The following DLG1 variants were observed in gnomAD, a reference collection of about 807,000 sequenced individuals.
The protein encoded by DLG1 is discs large MAGUK scaffold protein 1.
A neutral mutation model predicts 123.4 loss-of-function variants in DLG1; 42 were observed. The observed-to-expected ratio is 0.34, with a 90% CI of 0.27 to 0.44. DLG1 has a LOEUF of 0.44. Ranked by LOEUF, DLG1 falls within the 20% of genes least tolerant of loss-of-function variation. The pLI is 1.00. For synonymous variants in DLG1, 317 were observed against 356.2 expected (o/e 0.89, Z 1.24); for missense variants, 942 against 1,082.6 (o/e 0.87, Z 1.82).
At chr3:197,123,810 TGTAA>T (rs925846442) in intron 11 of DLG1, among the ~76,000 whole-genome samples, 1 of 152,206 alleles carries the variant, frequency 6.6e-6, no homozygotes, top group African/African-American at 2.4e-5. Context: ...AGATCAGAAC[TGTAA>T]GTGACTCAAC....
In DLG1 at chr3:197,095,521, T is replaced by C. The variant is rs184259655; in HGVS notation, c.1547-4495A>G. On this transcript the variant is annotated intron_variant, in intron 14 of 24. Transcript: ENST00000667157. ...TGCCTGAAGTTCCCACACAATTAGATTGAAGTTATCCAACTTTGGCAGGAA... is the reference window on the plus strand; with the variant it reads ...TGCCTGAAGTTCCCACACAATTAGACTGAAGTTATCCAACTTTGGCAGGAA... 3.2e-3 allele frequency among the ~76,000 whole-genome samples: 486 copies of C among 152,296 alleles called. 3 individuals are homozygous for C. Among genetic ancestry groups the C allele is most frequent in the African/African-American group, 0.011 (460 of 41,560 alleles).
chr3:197,205,977 T>G (rs551238670), intron 4 of DLG1, among the ~76,000 whole-genome samples: 1 of 152,220 alleles, frequency 6.6e-6, no homozygotes, highest in Non-Finnish European at 1.5e-5. Flanking sequence ...CAAGGAAACT[T>G]TGGGTCCACC....
At chr3:197,066,354 G>T (rs1375101941) in intron 20 of DLG1, among the ~76,000 whole-genome samples, 2 of 152,062 alleles carry the variant, frequency 1.3e-5, no homozygotes, top group African/African-American at 2.4e-5. Flanking sequence ...GATAAACAGT[G>T]CCTGGAACCT....
At chr3:197,237,074 C>CA in intron 4 of DLG1, among the ~76,000 whole-genome samples, 1 of 152,026 alleles carries the variant, frequency 6.6e-6, no homozygotes, top group South Asian at 2.1e-4. Context: ...GTCACACAGA[C>CA]AATGGCTTGT....
chr3:197,156,006 C>T (rs938254284), intron 5 of DLG1, among the ~76,000 whole-genome samples: 11 of 152,058 alleles, frequency 7.2e-5, no homozygotes, highest in Admixed American at 3.3e-4. Flanking sequence ...TGGTAAATAA[C>T]GAAAATCAAT....
chr3:197,098,550 C>A (rs1761859392), intron 14 of DLG1, among the ~76,000 whole-genome samples: 1 of 152,196 alleles, frequency 6.6e-6, no homozygotes, highest in East Asian at 1.9e-4. Context: ...AGAGTCTTCC[C>A]ACCCGCCCCC....
chr3:197,100,117 G>GA (rs1762682129), intron 14 of DLG1, among the ~76,000 whole-genome samples: 1 of 152,160 alleles, frequency 6.6e-6, no homozygotes, highest in African/African-American at 2.4e-5. Flanking sequence ...GGGAAAGCAG[G>GA]AGACTGAAAA....
At chr3:197,209,834 T>C (rs529261231) in intron 4 of DLG1, among the ~76,000 whole-genome samples, 1 of 146,850 alleles carries the variant, frequency 6.8e-6, no homozygotes, top group South Asian at 2.5e-4. Flanking sequence ...TAGGACTATG[T>C]AGTAAAGAAT....
intron 13 of DLG1, among the ~76,000 whole-genome samples, chr3:197,113,984 G>A (rs551718880): frequency 3.4e-4 from 52 of 152,180 alleles, no homozygotes; most frequent in Admixed American, 1.4e-3. Context: ...GCAATGCACT[G>A]AAGCCCTGTC....
Position 197,042,923 on chromosome 3 carries a change from CAT to C in DLG1, c.*1698_*1699del, listed in dbSNP as rs1294099698. ...CTTTCAAAATTCAAGACACACTTAA[CAT>C]ATGGATTTTACAATACAGTTTATTA... On this transcript the variant is annotated 3_prime_UTR_variant, in exon 25 of 25. Coordinates refer to ENST00000667157, the MANE Select transcript of DLG1 (RefSeq NM_001366207.1). 2.6e-5 allele frequency: 4 copies of C among 152,154 alleles called. No homozygotes were observed. Among genetic ancestry groups the C allele is most frequent in the East Asian group, 3.8e-4 (2 of 5,202 alleles). 9.4% of individuals were successfully genotyped at this position (152,154 alleles called of 1,614,324 possible).
chr3:197,100,092 T>C (rs1239180329), intron 14 of DLG1, among the ~76,000 whole-genome samples: 1 of 152,014 alleles, frequency 6.6e-6, no homozygotes, highest in African/African-American at 2.4e-5. Flanking sequence ...CGTAGAAAAA[T>C]ACAGCAAGGG....
chr3:197,044,944 G>C, intron 24 of DLG1, among the ~76,000 whole-genome samples: 1 of 152,036 alleles, frequency 6.6e-6, no homozygotes, highest in South Asian at 2.1e-4. Context: ...GGATCAAAAA[G>C]TAAGACTTGG....
intron 11 of DLG1, among the ~76,000 whole-genome samples, chr3:197,123,736 G>A (rs185092496): frequency 1.3e-4 from 20 of 152,230 alleles, no homozygotes; most frequent in African/African-American, 4.1e-4. Flanking sequence ...CTCACTCCAT[G>A]AGAAATGACT....
chr3:197,125,804 A>G (rs1397266210), intron 11 of DLG1, among the ~76,000 whole-genome samples: 2 of 152,308 alleles, frequency 1.3e-5, no homozygotes, highest in South Asian at 2.1e-4. Context: ...CATGAGTAAC[A>G]GTGGCAAAAC....
At chr3:197,184,415 T>C (rs1196754029) in intron 5 of DLG1, among the ~76,000 whole-genome samples, 1 of 152,244 alleles carries the variant, frequency 6.6e-6, no homozygotes, top group Non-Finnish European at 1.5e-5. Flanking sequence ...TTGTCATTCA[T>C]ATCCAAATTT....
intron 15 of DLG1, among the ~76,000 whole-genome samples, chr3:197,090,154 T>G (rs1365560037): frequency 6.6e-6 from 1 of 152,114 alleles, no homozygotes; most frequent in Non-Finnish European, 1.5e-5. Context: ...TCAGGACGAC[T>G]GAGATGATAA....
chr3:197,102,274 A>G (rs114777986), intron 14 of DLG1, among the ~76,000 whole-genome samples: 2,637 of 152,316 alleles, frequency 0.017, 82 homozygotes, highest in African/African-American at 0.06. Flanking sequence ...TGGAAGACTA[A>G]TAAGGCAAAC....
At chr3:197,080,052 C>T (rs890481982) in intron 17 of DLG1, among the ~76,000 whole-genome samples, 2 of 151,226 alleles carry the variant, frequency 1.3e-5, no homozygotes, top group Non-Finnish European at 2.9e-5. Flanking sequence ...TTTAACATAA[C>T]ATGTATTCAG....
chr3:197,130,568 A>C lies in DLG1; in HGVS notation c.1124T>G (p.Met375Arg). 1 of 1,612,958 alleles carries C rather than the reference A, an allele frequency of 6.2e-7. No homozygotes were observed. Residue 375 changes from methionine to arginine, a missense_variant, in exon 11 of 25, where the codon ATG becomes AGG. By Grantham distance (91) the Met-to-Arg change is moderately conservative. Coordinates refer to ENST00000667157, the MANE Select transcript of DLG1 (RefSeq NM_001366207.1). ...VYLKVAKPTS[M>R]YMNDGYAPPD... ...TGGTGCATAGCCATCATTCATATAC[A>C]TACTTGTGGGTTTTGCCACTTTCAA...
Sources: allele counts gnomAD v4.1 joint callset (sites outside exome capture counted in the v4.1 genomes callset), GRCh38; gene constraint gnomAD v4.1.1; transcripts MANE v1.5; gene names NCBI Gene and HGNC (gene_info 2026-07-23, HGNC 2026-07-21).